Variants in NUP58 observed in about 807,000 individuals in gnomAD.
NUP58 encodes nucleoporin 58, also known as nucleoporin p58/p45.
Under a neutral mutation model 70.1 loss-of-function variants are expected in NUP58, and 17 were observed. The observed-to-expected ratio is 0.24, with a 90% CI of 0.17 to 0.36. NUP58 has a LOEUF of 0.36. Among genes scored for constraint, NUP58 ranks in the 10% least tolerant of loss-of-function variants. NUP58 has a pLI of 1.00. For synonymous variants in NUP58, 275 were observed against 257.6 expected (o/e 1.07, Z -0.65); for missense variants, 644 against 701.5 (o/e 0.92, Z 0.93).
intron 9 of NUP58, among the ~76,000 whole-genome samples, chr13:25,323,093 T>G (rs2031253561): frequency 6.6e-6 from 1 of 152,146 alleles, no homozygotes; most frequent in South Asian, 2.1e-4. Flanking sequence ...TTAATAGTCT[T>G]TTAGAGATAA....
intron 15 of NUP58, among the ~76,000 whole-genome samples, chr13:25,339,747 T>C (rs1341733884): frequency 6.6e-6 from 1 of 152,230 alleles, no homozygotes; most frequent in Non-Finnish European, 1.5e-5. Flanking sequence ...GTTTCTCTTT[T>C]GACCTGCATC....
chr13:25,304,516 A>G (rs866198285), intron 1 of NUP58, among the ~76,000 whole-genome samples: 770 of 52,226 alleles, frequency 0.015, 14 homozygotes, highest in African/African-American at 0.039. Flanking sequence ...ATATATATAT[A>G]TGTATTTTTT....
In NUP58 at chr13:25,340,155, A is replaced by G; in HGVS notation, c.*21A>G. ...GATAAACATGGGTTGATGTGTTGAG[A>G]GAATCCATAGCAGCACCGTTCATTC... On this transcript the variant is annotated 3_prime_UTR_variant, in exon 16 of 16. Transcript: ENST00000381736. 1 of 1,599,322 alleles carries G rather than the reference A, an allele frequency of 6.3e-7. No individual in the cohort carries two copies. Among genetic ancestry groups the G allele is most frequent in the Non-Finnish European group, 8.5e-7 (1 of 1,173,500 alleles).
At chr13:25,348,641 C>T (rs73470480) in intron 3 of NUP58, among the ~76,000 whole-genome samples, 1,596 of 152,278 alleles carry the variant, frequency 0.01, 26 homozygotes, top group African/African-American at 0.036. Context: ...CTGCTGTAGA[C>T]GGTGCAGACC....
chr13:25,309,066 T>A (rs574695159), intron 2 of NUP58, among the ~76,000 whole-genome samples, 181 bp from the exon 3 acceptor site: 1 of 152,342 alleles, frequency 6.6e-6, no homozygotes, highest in Admixed American at 6.5e-5. Context: ...TGGCTTGTAA[T>A]ATGAAAACCA....
chr13:25,344,187 T>G (rs1186034419), downstream of NUP58, among the ~76,000 whole-genome samples: 1 of 151,980 alleles, frequency 6.6e-6, no homozygotes, highest in Non-Finnish European at 1.5e-5. Context: ...CAAATTAGGG[T>G]TTTTTCTTAA....
chr13:25,317,947 T>G (rs764720659), intron 6 of NUP58: 4 of 142,292 alleles, frequency 2.8e-5, no homozygotes, highest in Non-Finnish European at 6.0e-5. Context: ...CACTGCAACC[T>G]CCACCTCCCT....
intron 10 of NUP58, 90 bp from the exon 11 acceptor site, chr13:25,326,826 T>TGC: frequency 1.5e-6 from 1 of 667,510 alleles, no homozygotes; most frequent in Admixed American, 2.7e-5. Context: ...TTTTGAAGAC[T>TGC]ATTAAATGAT....
chr13:25,319,434 A>C (rs2031084390), intron 7 of NUP58, 84 bp downstream of exon 7: 1 of 1,285,368 alleles, frequency 7.8e-7, no homozygotes, highest in Non-Finnish European at 1.1e-6. Context: ...AATTGAAAGT[A>C]AATATCATAT....
intron 6 of NUP58, among the ~76,000 whole-genome samples, chr13:25,318,351 C>T (rs1258623774): frequency 6.6e-6 from 1 of 152,010 alleles, no homozygotes; most frequent in Non-Finnish European, 1.5e-5. Context: ...AAATTTGTAG[C>T]CACAGGGTTT....
chr13:25,340,004 A>G lies in NUP58; in HGVS notation c.1670A>G (p.Asn557Ser). 6.2e-7 allele frequency: 1 copy of G among 1,612,232 alleles called. No homozygotes were observed. The highest frequency in any genetic ancestry group is 8.5e-7 in the Non-Finnish European group (1 of 1,179,314). Residue 557 changes from asparagine to serine, a missense_variant, in exon 16 of 16, where the codon AAT (asparagine) becomes AGT (serine). Physicochemically the swap from Asn to Ser is conservative, Grantham distance 46. This residue lies in a region of NUP58 where 132 missense variants were observed against 203.9 expected (regional missense o/e 0.65). Coordinates refer to ENST00000381736, the MANE Select transcript of NUP58 (RefSeq NM_014089.4). ...SSSTSGFNFS[N>S]PGITASAGLT... is the part of the protein sequence containing the mutation. ...AGTACATCTGGGTTTAACTTCAGCA[A>G]TCCTGGCATCACGGCATCAGCTGGT...
intron 13 of NUP58, chr13:25,333,116 T>C (rs1355971268): frequency 1.0e-6 from 1 of 985,172 alleles, no homozygotes; most frequent in Non-Finnish European, 1.2e-6. Context: ...AAATCTCCTG[T>C]CAAGGGTTTG....
chr13:25,312,847 T>C, intron 3 of NUP58, 36 bp from the exon 4 acceptor site: 1 of 1,546,454 alleles, frequency 6.5e-7, no homozygotes, highest in Non-Finnish European at 8.7e-7. Flanking sequence ...AGTAGGATTT[T>C]TGTTTGTTTG....
At chr13:25,342,857 A>G (rs2031993005), downstream of NUP58, among the ~76,000 whole-genome samples, 3 of 152,036 alleles carry the variant, frequency 2.0e-5, no homozygotes, top group Admixed American at 6.6e-5. Context: ...AAATAGGTTA[A>G]AAAGTTTGTG....
chr13:25,313,760 T>C lies in NUP58; in HGVS notation c.574+9T>C, dbSNP rs984751261. On this transcript the variant is annotated intron_variant, in intron 5 of 15. Coordinates refer to ENST00000381736, the MANE Select transcript of NUP58 (RefSeq NM_014089.4). Reference sequence around the variant, plus strand: ...AAACACAGGAACATCAGGTAATTGATGGTATTTATTCTCCAGAATAGTAAA... The same window carrying C: ...AAACACAGGAACATCAGGTAATTGACGGTATTTATTCTCCAGAATAGTAAA... 4 of 1,517,884 alleles carry C rather than the reference T, an allele frequency of 2.6e-6. No individual in the cohort carries two copies. The highest frequency in any genetic ancestry group is 5.3e-5 in the Admixed American group (2 of 37,934). The allele number at this position is 1,517,884 out of a possible 1,614,324, so 94.0% of individuals were successfully genotyped here. A position where few individuals can be genotyped will look rare whatever the true frequency, so the allele number is the denominator to read the frequency against.
At chr13:25,349,274 G>T (rs1285774033) in intron 3 of NUP58, among the ~76,000 whole-genome samples, 1 of 152,156 alleles carries the variant, frequency 6.6e-6, no homozygotes, top group Non-Finnish European at 1.5e-5. Context: ...TGGGAAAAGG[G>T]TTACTTCAGT....
downstream of NUP58, among the ~76,000 whole-genome samples, chr13:25,343,828 C>T (rs948985888): frequency 9.7e-5 from 13 of 134,050 alleles, 1 homozygote; most frequent in South Asian, 9.2e-4. Flanking sequence ...TATATATATA[C>T]ACATATATAT....
At chr13:25,327,889 T>TA (rs1245818537) in intron 12 of NUP58, among the ~76,000 whole-genome samples, 3 of 152,102 alleles carry the variant, frequency 2.0e-5, no homozygotes, top group African/African-American at 4.8e-5. Context: ...TTTACTACTA[T>TA]AAATAGCACT....
At chr13:25,332,859 G>A (rs2031658856) in intron 13 of NUP58, 1 of 985,362 alleles carries the variant, frequency 1.0e-6, no homozygotes. Context: ...TTCTTAAAAG[G>A]ATTCAATCCC....
Sources: gnomAD v4.1 joint callset for allele counts (sites outside exome capture counted in the v4.1 genomes callset) on GRCh38, gnomAD v4.1.1 for gene constraint, gnomAD v4.1.1 regional missense constraint, MANE v1.5 for transcripts, NCBI Gene and HGNC (gene_info 2026-07-23, HGNC 2026-07-21) for gene names.